The following SIRT5 variants were observed in gnomAD, a reference collection of about 807,000 sequenced individuals.
The protein encoded by SIRT5 is NAD-dependent protein deacylase sirtuin-5, mitochondrial.
SIRT5 carries 26 observed loss-of-function variants against 40.0 expected under a neutral mutation model. The ratio of observed to expected loss-of-function variants is 0.65; its 90% CI spans 0.48 to 0.90. SIRT5 has a LOEUF of 0.90. Among genes scored for constraint, SIRT5 ranks in the 40% least tolerant of loss-of-function variants. The pLI is 0.00. For synonymous variants in SIRT5, 146 were observed against 149.1 expected, an observed-to-expected ratio of 0.98 and a Z score of 0.15; for missense variants, 401 against 402.4, an observed-to-expected ratio of 1.00 and a Z score of 0.03.
rs201782430 is a variant in SIRT5 at position 13,599,051 on chromosome 6, G to A, written c.637G>A (p.Gly213Arg). The change falls in exon 8 of 10, where the codon GGG becomes AGG. Residue 213 changes from glycine to arginine, a missense_variant. By Grantham distance (125) the Gly-to-Arg change is moderately radical. Transcript: ENST00000606117. ...KLPRCEEAGC[G>R]GLLRPHVVWF... ...TTCCAGGTGTGAAGAGGCAGGCTGC[G>A]GGGGCTTGCTGCGACCTCACGTCGT... 23 of 1,613,848 alleles carry A rather than the reference G, an allele frequency of 1.4e-5. No individual in the cohort carries two copies. The East Asian group carries it at 3.1e-4, about 22-fold the overall frequency.
intron 9 of SIRT5, chr6:13,604,645 G>C (rs1216916183): frequency 1.4e-6 from 2 of 1,432,978 alleles, no homozygotes; most frequent in African/African-American, 2.9e-5. Flanking sequence ...CTGAGCAGCA[G>C]GGGCCCAGCA....
At chr6:13,586,749 C>G (rs920567811) in intron 3 of SIRT5, among the ~76,000 whole-genome samples, 2 of 152,170 alleles carry the variant, frequency 1.3e-5, no homozygotes, top group Non-Finnish European at 2.9e-5. Flanking sequence ...TATTGACAGT[C>G]TCTATCCTAG....
intron 9 of SIRT5, among the ~76,000 whole-genome samples, chr6:13,610,651 A>T (rs1763711106): frequency 6.6e-6 from 1 of 152,134 alleles, no homozygotes; most frequent in Non-Finnish European, 1.5e-5. Context: ...AAGAGGTGGA[A>T]ATTGAGGATC....
intron 9 of SIRT5, chr6:13,604,640 C>T (rs1270896060): frequency 1.3e-5 from 19 of 1,437,752 alleles, no homozygotes; most frequent in Admixed American, 1.2e-4. Flanking sequence ...ATGGACTGAG[C>T]AGCAGGGGCC....
intron 2 of SIRT5, among the ~76,000 whole-genome samples, chr6:13,580,316 GT>G (rs1759173948): frequency 6.6e-6 from 1 of 152,058 alleles, no homozygotes; most frequent in Non-Finnish European, 1.5e-5. Context: ...TGTAGGTGAG[GT>G]TTATCATATT....
intron 4 of SIRT5, among the ~76,000 whole-genome samples, chr6:13,590,426 G>A (rs551639218): frequency 2.6e-5 from 4 of 152,084 alleles, no homozygotes; most frequent in Non-Finnish European, 5.9e-5. Flanking sequence ...TTTATGTGTA[G>A]CTGTGTGTGT....
intron 3 of SIRT5, among the ~76,000 whole-genome samples, chr6:13,586,591 C>T (rs745893935): frequency 5.9e-5 from 9 of 152,102 alleles, no homozygotes; most frequent in African/African-American, 1.9e-4. Context: ...TCTGTTCCAC[C>T]GTGACTGTCT....
rs763377180 is a variant in SIRT5, at chr6:13,614,410, G to C, written c.*2545G>C. 1.3e-5 allele frequency: 2 copies of C among 152,258 alleles called. No homozygotes were observed. The highest frequency in any genetic ancestry group is 4.8e-5 in the African/African-American group (2 of 41,438). 9.4% of individuals were successfully genotyped at this position (152,258 alleles called of 1,614,324 possible). A position where few individuals can be genotyped will look rare whatever the true frequency, so the allele number is the denominator to read the frequency against. ...CTGCGGCAGTAGAGGGAAGAGCACG[G>C]TCGGTACAAATGCATGGCAGGTGTG... On this transcript the variant is annotated 3_prime_UTR_variant, in exon 10 of 10. Coordinates refer to ENST00000606117, the MANE Select transcript of SIRT5 (RefSeq NM_012241.5).
rs1455100738 is a variant in SIRT5 at position 13,599,101 on chromosome 6, T to G, written c.687T>G (p.Pro229=). 3.1e-6 allele frequency: 5 copies of G among 1,614,144 alleles called. No individual in the cohort carries two copies. The South Asian group carries it at 5.5e-5, about 18-fold the overall frequency. ...HVVWFGENLD[P]AILEEVDREL... ...TGTGGTTTGGAGAAAACCTGGATCCTGCCATTCTGGAGGAGGTTGACAGAG... is the reference window on the plus strand; with the variant it reads ...TGTGGTTTGGAGAAAACCTGGATCCGGCCATTCTGGAGGAGGTTGACAGAG... Residue 229 remains proline, a synonymous_variant, in exon 8 of 10, where the codon CCT becomes CCG. Transcript: ENST00000606117.
chr6:13,576,513 G>C (rs888533828), intron 1 of SIRT5, among the ~76,000 whole-genome samples: 6 of 152,172 alleles, frequency 3.9e-5, no homozygotes, highest in Non-Finnish European at 8.8e-5. Context: ...GTTTTGTTTT[G>C]TTTTGCTGTT....
rs941027604 is a variant in SIRT5, at chr6:13,579,521, G to A, written c.-124G>A. The A allele has an allele frequency of 6.6e-6, 1 of 152,130 alleles. No homozygotes were observed. The highest frequency in any genetic ancestry group is 2.4e-5 in the African/African-American group (1 of 41,418). 9.4% of individuals were successfully genotyped at this position (152,130 alleles called of 1,614,324 possible). On this transcript the variant is annotated 5_prime_UTR_variant, in exon 2 of 10. Transcript: ENST00000606117. ...AATAATTTTCTGGATCAAATTAGAA[G>A]TCTGTATTATATTGATGTCTCCAGA...
intron 2 of SIRT5, among the ~76,000 whole-genome samples, chr6:13,583,289 CTTTTTTTTTT>C (rs765557886): frequency 4.0e-5 from 4 of 100,536 alleles, no homozygotes; most frequent in Non-Finnish European, 6.1e-5. Context: ...CTTCTTTGTT[CTTTTTTTTTT>C]TTTTTTTTTT....
In SIRT5 at chr6:13,576,998, C is replaced by G. The variant is rs12191273; in HGVS notation, c.-195+2254C>G. 8.2e-3 allele frequency among the ~76,000 whole-genome samples: 1,250 copies of G among 152,246 alleles called. 11 individuals are homozygous for G. Among genetic ancestry groups the G allele is most frequent in the Non-Finnish European group, 0.013 (853 of 68,004 alleles). On this transcript the variant is annotated intron_variant, in intron 1 of 9. Transcript: ENST00000606117. Reference sequence around the variant, plus strand: ...TATTTCTGGGCTTTCTATTCCTGTTCCATTGGTTGATGTGCCGATTTTTAT... The same window carrying G: ...TATTTCTGGGCTTTCTATTCCTGTTGCATTGGTTGATGTGCCGATTTTTAT...
At chr6:13,593,064 C>T (rs1761143950) in intron 5 of SIRT5, among the ~76,000 whole-genome samples, 1 of 151,990 alleles carries the variant, frequency 6.6e-6, no homozygotes, top group African/African-American at 2.4e-5. Flanking sequence ...CAGGCACATG[C>T]CACCATGCCC....
At chr6:13,611,444 C>T (rs1763913958) in intron 9 of SIRT5, among the ~76,000 whole-genome samples, 1 of 151,484 alleles carries the variant, frequency 6.6e-6, no homozygotes, top group Admixed American at 6.6e-5. Context: ...TCCCAAAATA[C>T]ACTTTACTTG....
intron 9 of SIRT5, chr6:13,604,398 G>A: frequency 2.2e-6 from 2 of 904,168 alleles, no homozygotes; most frequent in Non-Finnish European, 3.6e-6. Context: ...AACTCGAAGA[G>A]TGGGACAGGA....
rs1764178909 is a variant in SIRT5 at position 13,614,399 on chromosome 6, G to A, written c.*2534G>A. ...TACCTGGGGGGCTGCGGCAGTAGAG[G>A]GAAGAGCACGGTCGGTACAAATGCA... On this transcript the variant is annotated 3_prime_UTR_variant, in exon 10 of 10. Transcript: ENST00000606117. The A allele has an allele frequency of 6.6e-6, 1 of 152,240 alleles. No homozygotes were observed. Among genetic ancestry groups the A allele is most frequent in the Non-Finnish European group, 1.5e-5 (1 of 68,074 alleles). The allele number at this position is 152,240 out of a possible 1,614,324, so 9.4% of individuals were successfully genotyped here. A position where few individuals can be genotyped will look rare whatever the true frequency, so the allele number is the denominator to read the frequency against.
intron 8 of SIRT5, 40 bp from the exon 9 acceptor site, chr6:13,600,794 C>T (rs758138793): frequency 4.8e-6 from 7 of 1,455,094 alleles, no homozygotes; most frequent in East Asian, 4.7e-5. Context: ...TTCTCCTTGT[C>T]GTCTGGCTGT....
At chr6:13,606,734 T>C (rs1763167028) in intron 9 of SIRT5, among the ~76,000 whole-genome samples, 1 of 152,160 alleles carries the variant, frequency 6.6e-6, no homozygotes, top group African/African-American at 2.4e-5. Context: ...CAGGCTGGAG[T>C]GCAGTGGCGC....
Sources: allele counts gnomAD v4.1 joint callset (sites outside exome capture counted in the v4.1 genomes callset), GRCh38; gene constraint gnomAD v4.1.1; transcripts MANE v1.5; gene names NCBI Gene and HGNC (gene_info 2026-07-23, HGNC 2026-07-21).